The following PRKCA variants were observed in gnomAD, a reference collection of about 807,000 sequenced individuals.
The protein encoded by PRKCA is protein kinase C alpha, also known as protein kinase C alpha type.
Under a neutral mutation model 87.0 loss-of-function variants are expected in PRKCA, and 27 were observed. That is an observed-to-expected ratio of 0.31 (90% confidence interval 0.23 to 0.43). The LOEUF (loss-of-function observed/expected upper bound fraction) is 0.43. Ranked by LOEUF, PRKCA falls within the 20% of genes least tolerant of loss-of-function variation. PRKCA has a pLI of 1.00. For synonymous variants in PRKCA, 329 were observed against 311.1 expected, an observed-to-expected ratio of 1.06 and a Z score of -0.61; for missense variants, 518 against 852.3, an observed-to-expected ratio of 0.61 and a Z score of 4.88.
At chr17:66,361,839 G>A (rs773650841) in intron 2 of PRKCA, among the ~76,000 whole-genome samples, 13 of 152,086 alleles carry the variant, frequency 8.5e-5, no homozygotes, top group Non-Finnish European at 1.5e-4. Flanking sequence ...TGTTCTCTGC[G>A]TCAGGCACCA....
chr17:66,774,349 G>A (rs1316499013), intron 14 of PRKCA: 9 of 1,230,184 alleles, frequency 7.3e-6, no homozygotes, highest in Middle Eastern at 3.4e-4. Flanking sequence ...GGCCAGGCGC[G>A]GTGGCTCATG....
intron 3 of PRKCA, chr17:66,554,406 C>T (rs948750978): frequency 6.4e-6 from 2 of 311,758 alleles, no homozygotes; most frequent in Non-Finnish European, 9.4e-6. Flanking sequence ...TTAGAGCCTC[C>T]ATTACCAATC....
chr17:66,797,807 C>T (rs907533477), intron 16 of PRKCA, among the ~76,000 whole-genome samples: 4 of 152,370 alleles, frequency 2.6e-5, no homozygotes, highest in Non-Finnish European at 2.9e-5. Context: ...CCCTCTTCCC[C>T]TTTATCTCTG....
At chr17:66,586,444 G>C (rs1398344385) in intron 3 of PRKCA, among the ~76,000 whole-genome samples, 1 of 152,208 alleles carries the variant, frequency 6.6e-6, no homozygotes, top group African/African-American at 2.4e-5. Context: ...TAAGAGTAGA[G>C]TTCTACCAGT....
At chr17:66,333,619 T>C (rs1352878983) in intron 2 of PRKCA, among the ~76,000 whole-genome samples, 1 of 152,084 alleles carries the variant, frequency 6.6e-6, no homozygotes, top group East Asian at 1.9e-4. Flanking sequence ...CCTGTGCTTG[T>C]GAAGGGGTCT....
At chr17:66,734,399 T>C (rs1269940827) in intron 9 of PRKCA, among the ~76,000 whole-genome samples, 3 of 152,214 alleles carry the variant, frequency 2.0e-5, no homozygotes, top group Non-Finnish European at 4.4e-5. Context: ...TTCCCAGAAC[T>C]GAGGCTTCCT....
intron 13 of PRKCA, among the ~76,000 whole-genome samples, chr17:66,772,003 G>A (rs1036155575): frequency 3.9e-5 from 6 of 152,120 alleles, no homozygotes; most frequent in African/African-American, 1.2e-4. Flanking sequence ...TTAACAGAAT[G>A]GTTTTACCTG....
intron 13 of PRKCA, among the ~76,000 whole-genome samples, chr17:66,762,641 C>T (rs761350837): frequency 6.6e-6 from 1 of 152,160 alleles, no homozygotes; most frequent in South Asian, 2.1e-4. Flanking sequence ...ACGCTCTGGT[C>T]TCTGTTCTGA....
chr17:66,795,938 A>G (rs1975654915), intron 16 of PRKCA, among the ~76,000 whole-genome samples: 1 of 152,212 alleles, frequency 6.6e-6, no homozygotes, highest in African/African-American at 2.4e-5. Flanking sequence ...GCCTCTGTCT[A>G]TCAGCAAACT....
At chr17:66,674,645 A>G (rs942663941) in intron 5 of PRKCA, among the ~76,000 whole-genome samples, 2 of 152,222 alleles carry the variant, frequency 1.3e-5, no homozygotes, top group Non-Finnish European at 2.9e-5. Flanking sequence ...AAATGGTAGG[A>G]AACAGATTAG....
intron 3 of PRKCA, among the ~76,000 whole-genome samples, chr17:66,524,672 G>A (rs1279261967): frequency 6.6e-6 from 1 of 152,140 alleles, no homozygotes; most frequent in Non-Finnish European, 1.5e-5. Context: ...TGTGCCCTGG[G>A]TATCCAGCAG....
At chr17:66,366,271 G>T (rs565030755) in intron 2 of PRKCA, among the ~76,000 whole-genome samples, 8 of 152,250 alleles carry the variant, frequency 5.3e-5, no homozygotes, top group Non-Finnish European at 1.0e-4. Context: ...GCCTTACAAG[G>T]TCTTTAATAA....
At chr17:66,698,515 A>G (rs1021800814) in intron 8 of PRKCA, among the ~76,000 whole-genome samples, 2 of 152,214 alleles carry the variant, frequency 1.3e-5, no homozygotes, top group Admixed American at 1.3e-4. Flanking sequence ...GAATCCATGA[A>G]CTTAAAGACA....
chr17:66,528,517 AG>A lies in PRKCA; in HGVS notation c.288+32235del, dbSNP rs1967426109. 2.6e-5 allele frequency among the ~76,000 whole-genome samples: 4 copies of A among 152,290 alleles called. No individual in the cohort carries two copies. In the South Asian group the frequency reaches 8.3e-4, roughly 32 times the overall value. ...TGAACTCACAAAAGGATGCAGAAGC[AG>A]AGTTGGGAGGGTTGCCCTTCAAACA... On this transcript the variant is annotated intron_variant, in intron 3 of 16. Transcript: ENST00000413366.
intron 2 of PRKCA, among the ~76,000 whole-genome samples, chr17:66,355,483 C>T (rs780209604): frequency 3.9e-5 from 6 of 152,152 alleles, no homozygotes; most frequent in East Asian, 1.9e-4. Context: ...AGTCTAGTGG[C>T]GGGTGCATGG....
At chr17:66,730,111 G>A (rs764415473) in intron 8 of PRKCA, among the ~76,000 whole-genome samples, 3 of 152,098 alleles carry the variant, frequency 2.0e-5, no homozygotes, top group Admixed American at 6.5e-5. Context: ...TATTGTTATC[G>A]GAGAAAAGCA....
intron 1 of PRKCA, 66 bp downstream of exon 1, chr17:66,303,090 C>G: frequency 1.3e-6 from 2 of 1,566,472 alleles, no homozygotes; most frequent in Non-Finnish European, 1.7e-6. Flanking sequence ...ACCCGGCGCT[C>G]CGGCGCGTCC....
chr17:66,697,580 GC>G (rs1972956319), intron 8 of PRKCA, among the ~76,000 whole-genome samples: 1 of 152,088 alleles, frequency 6.6e-6, no homozygotes, highest in Non-Finnish European at 1.5e-5. Context: ...TAAGCACCCA[GC>G]TCCCCCAGCC....
Position 66,397,008 on chromosome 17 carries a change from C to T in PRKCA, c.205+90881C>T, listed in dbSNP as rs1458508638. ...TGAGACAGAGTCTGTCTCTGTCACCCGGGCTGGAGTGTGGTGGCACAATCT... is the reference window on the plus strand; with the variant it reads ...TGAGACAGAGTCTGTCTCTGTCACCTGGGCTGGAGTGTGGTGGCACAATCT... On this transcript the variant is annotated intron_variant, in intron 2 of 16. Transcript: ENST00000413366. 3.6e-5 allele frequency among the ~76,000 whole-genome samples: 5 copies of T among 137,512 alleles called. No homozygotes were observed. The Admixed American group carries it at 3.8e-4, about 10-fold the overall frequency. 90.2% of individuals were successfully genotyped at this position (137,512 alleles called of 152,430 possible).
Sources: allele counts gnomAD v4.1 joint callset (sites outside exome capture counted in the v4.1 genomes callset), GRCh38; gene constraint gnomAD v4.1.1; transcripts MANE v1.5; gene names NCBI Gene and HGNC (gene_info 2026-07-23, HGNC 2026-07-21).